Variants in CDC7 observed in about 807,000 individuals in gnomAD.
CDC7 encodes cell division cycle 7, also known as cell division cycle 7-related protein kinase.
In CDC7, 34 loss-of-function variants were observed where a neutral mutation model predicts 53.5. That is an observed-to-expected ratio of 0.64 (90% CI 0.48 to 0.85). CDC7 has a LOEUF of 0.85. Ranked by LOEUF, CDC7 falls within the 40% of genes least tolerant of loss-of-function variation. The probability of loss-of-function intolerance (pLI) is 0.00; values close to 1 mark genes in which losing one functional copy is unlikely to be tolerated. For missense variants in CDC7, 594 were observed against 679.7 expected (o/e 0.87, Z 1.40); for synonymous variants, 211 against 222.8 (o/e 0.95, Z 0.47).
chr1:91,519,990 C>G, intron 10 of CDC7, 140 bp from the exon 11 acceptor site: 1 of 565,406 alleles, frequency 1.8e-6, no homozygotes, highest in Non-Finnish European at 2.8e-6. Flanking sequence ...ACTGTTCAAT[C>G]AAAATCTTTG....
chr1:91,508,441 A>G (rs1667105492), intron 4 of CDC7, 44 bp downstream of exon 4: 1 of 1,480,502 alleles, frequency 6.8e-7, no homozygotes, highest in Non-Finnish European at 9.3e-7. Flanking sequence ...TATATAATTT[A>G]TAAGATTTTA....
chr1:91,511,523 T>A, intron 4 of CDC7, 74 bp from the exon 5 acceptor site: 1 of 926,602 alleles, frequency 1.1e-6, no homozygotes, highest in South Asian at 1.5e-5. Flanking sequence ...AAAATTGCGG[T>A]TTTTAAAATT....
intron 1 of CDC7, 52 bp from the exon 2 acceptor site, chr1:91,501,602 G>C (rs973287797): frequency 6.6e-5 from 51 of 776,336 alleles, no homozygotes; most frequent in Non-Finnish European, 8.3e-5. Flanking sequence ...CATGTTTTTA[G>C]TGCGTGGTTT....
intron 8 of CDC7, 64 bp downstream of exon 8, chr1:91,514,107 T>C (rs1008886372): frequency 2.0e-6 from 2 of 1,003,434 alleles, no homozygotes; most frequent in Non-Finnish European, 1.5e-6. Context: ...ATTTAGGTAA[T>C]AACTAGATTA....
Position 91,524,549 on chromosome 1 carries a change from AT to A in CDC7, c.*118del. Reference sequence around the variant, plus strand: ...AGCAGGATTAATAATTTATTTTAACATTTTAGTGTTTGGTGGCACATTCTAA... The same window carrying A: ...AGCAGGATTAATAATTTATTTTAACATTTAGTGTTTGGTGGCACATTCTAA... On this transcript the variant is annotated 3_prime_UTR_variant, in exon 12 of 12. Transcript: ENST00000234626. 1 of 821,116 alleles carries A rather than the reference AT, an allele frequency of 1.2e-6. No individual in the cohort carries two copies. Among genetic ancestry groups the A allele is most frequent in the Non-Finnish European group, 1.9e-6 (1 of 533,902 alleles). 50.9% of individuals were successfully genotyped at this position (821,116 alleles called of 1,614,324 possible). A position where few individuals can be genotyped will look rare whatever the true frequency, so the allele number is the denominator to read the frequency against.
intron 6 of CDC7, 111 bp from the exon 7 acceptor site, chr1:91,512,947 A>C: frequency 2.2e-6 from 2 of 900,406 alleles, no homozygotes; most frequent in Non-Finnish European, 3.3e-6. Context: ...ATAAATTCCT[A>C]ATTGATCCCA....
chr1:91,522,764 A>C (rs1220616344), intron 11 of CDC7, among the ~76,000 whole-genome samples: 2 of 152,234 alleles, frequency 1.3e-5, no homozygotes, highest in Non-Finnish European at 2.9e-5. Flanking sequence ...GTACTCTCAA[A>C]GAATTTGGTC....
At chr1:91,501,580 G>GA (rs1666679963) in intron 1 of CDC7, 74 bp from the exon 2 acceptor site, 2 of 695,054 alleles carry the variant, frequency 2.9e-6, no homozygotes, top group South Asian at 1.7e-5. Context: ...TTGCCCCTTT[G>GA]GGGGGCAGTA....
In CDC7 at chr1:91,511,684, G is replaced by A. The variant is rs141839416; in HGVS notation, c.423G>A (p.Ser141=). 1.3e-5 allele frequency: 21 copies of A among 1,606,966 alleles called. No individual in the cohort carries two copies. Among genetic ancestry groups the A allele is most frequent in the East Asian group, 1.1e-4 (5 of 44,746 alleles). ...CTATGCCATATCTGGAGCATGAGTC[G>A]TTTTTGGTAGGTTTTAATATTTCTT... ...VIAMPYLEHE[S]FLDILNSLSF... The change falls in exon 5 of 12, where the codon TCG becomes TCA. Residue 141 remains serine, a synonymous_variant. Transcript: ENST00000234626.
chr1:91,502,925 G>T (rs1402217093), intron 2 of CDC7, among the ~76,000 whole-genome samples: 1 of 152,032 alleles, frequency 6.6e-6, no homozygotes, highest in Non-Finnish European at 1.5e-5. Context: ...TTTTCCAGCA[G>T]TTAGCTGTTT....
chr1:91,506,089 C>G (rs908552678), intron 2 of CDC7, among the ~76,000 whole-genome samples: 1 of 152,120 alleles, frequency 6.6e-6, no homozygotes, highest in Non-Finnish European at 1.5e-5. Context: ...AGTTTAGTAA[C>G]CTCAAACTCC....
rs781348943 is a variant in CDC7, at chr1:91,513,232, G to T, written c.747G>T (p.Gln249His). 6.8e-6 allele frequency: 11 copies of T among 1,613,086 alleles called. No individual in the cohort carries two copies. Among genetic ancestry groups the T allele is most frequent in the Non-Finnish European group, 9.3e-6 (11 of 1,179,174 alleles). Residue 249 changes from glutamine to histidine, a missense_variant, in exon 7 of 12, where the codon CAG becomes CAT. Coordinates refer to ENST00000234626, the MANE Select transcript of CDC7 (RefSeq NM_003503.4). The part of the protein sequence containing the change: ...SGPVPKELDQ[Q>H]STTKASVKRP... ...CAGTACCTAAGGAGCTGGATCAGCAGTCCACCACAAAAGCTTCTGTTAAAA... is the reference window on the plus strand; with the variant it reads ...CAGTACCTAAGGAGCTGGATCAGCATTCCACCACAAAAGCTTCTGTTAAAA...
intron 2 of CDC7, among the ~76,000 whole-genome samples, chr1:91,506,920 A>C (rs1357037394): frequency 6.6e-6 from 1 of 152,198 alleles, no homozygotes; most frequent in Non-Finnish European, 1.5e-5. Context: ...ACTGCACTCC[A>C]ACCTGGGCAA....
At position 91,520,580 on chromosome 1, in the gene CDC7, T is replaced by G. The variant is rs13447540; in HGVS notation, c.1330+301T>G. ...CTCCTTTTAGTTATGGTTTGACTTT[T>G]ATTACATAAATTTACCTTTTATTAA... On this transcript the variant is annotated intron_variant, in intron 11 of 11. Coordinates refer to ENST00000234626, the MANE Select transcript of CDC7 (RefSeq NM_003503.4). 4.7e-3 allele frequency among the ~76,000 whole-genome samples: 721 copies of G among 152,362 alleles called. 4 individuals carry two copies. The highest frequency in any genetic ancestry group is 0.017 in the African/African-American group (692 of 41,590).
intron 4 of CDC7, among the ~76,000 whole-genome samples, chr1:91,510,954 T>A (rs895217215): frequency 2.0e-5 from 3 of 152,144 alleles, no homozygotes; most frequent in Admixed American, 1.3e-4. Context: ...CGCTATTAAT[T>A]TTCATGTCTG....
chr1:91,511,090 G>T (rs971587708), intron 4 of CDC7, among the ~76,000 whole-genome samples: 26 of 152,040 alleles, frequency 1.7e-4, no homozygotes, highest in African/African-American at 3.6e-4. Flanking sequence ...TCTTTTACTG[G>T]CTTCTCTACT....
At chr1:91,518,562 AAAG>A (rs1372356553) in intron 10 of CDC7, among the ~76,000 whole-genome samples, 1 of 152,222 alleles carries the variant, frequency 6.6e-6, no homozygotes, top group Non-Finnish European at 1.5e-5. Flanking sequence ...CAGCCACGAA[AAAG>A]AAGATCTTGT....
chr1:91,501,533 C>T, intron 1 of CDC7, 121 bp from the exon 2 acceptor site: 2 of 612,024 alleles, frequency 3.3e-6, no homozygotes, highest in East Asian at 2.7e-5. Flanking sequence ...GTATGCCCTA[C>T]TGTGGAGGTT....
chr1:91,520,367 AC>A lies in CDC7; in HGVS notation c.1330+89del. ...AATAAATTATTGTGAAATTTTCTTT[AC>A]AAATAAACATTCAGTCTTGATAAAG... On this transcript the variant is annotated intron_variant, in intron 11 of 11. Coordinates refer to ENST00000234626, the MANE Select transcript of CDC7 (RefSeq NM_003503.4). The A allele has an allele frequency of 2.7e-6, 3 of 1,096,532 alleles. No individual in the cohort carries two copies. In the South Asian group the frequency reaches 5.9e-5, roughly 22 times the overall value. 67.9% of individuals were successfully genotyped at this position (1,096,532 alleles called of 1,614,324 possible).
Sources: gnomAD v4.1 joint callset for allele counts (sites outside exome capture counted in the v4.1 genomes callset) on GRCh38, gnomAD v4.1.1 for gene constraint, MANE v1.5 for transcripts, NCBI Gene and HGNC (gene_info 2026-07-23, HGNC 2026-07-21) for gene names.